AHCTF1: variants seen among roughly 807,000 people sequenced by gnomAD.
AHCTF1 encodes AT-hook containing transcription factor 1, also known as protein ELYS.
In AHCTF1, 24 loss-of-function variants were observed where a neutral mutation model predicts 248.4. That is an observed-to-expected ratio of 0.10 (90% confidence interval 0.07 to 0.14). The LOEUF (loss-of-function observed/expected upper bound fraction) is 0.14, where lower values mean the gene tolerates loss of function less well. Ranked by LOEUF, AHCTF1 falls within the 10% of genes least tolerant of loss-of-function variation. The probability of loss-of-function intolerance (pLI) is 1.00; values close to 1 mark genes in which losing one functional copy is unlikely to be tolerated. For synonymous variants in AHCTF1, 786 were observed against 929.8 expected (o/e 0.85, Z 2.81); for missense variants, 2,206 against 2,636.2 (o/e 0.84, Z 3.57).
At chr1:246,894,902 C>A (rs942703281) in intron 13 of AHCTF1, among the ~76,000 whole-genome samples, 154 bp from the exon 14 acceptor site, 1 of 152,008 alleles carries the variant, frequency 6.6e-6, no homozygotes, top group Non-Finnish European at 1.5e-5. Flanking sequence ...TCTCAGTGCA[C>A]CACACCACGG....
chr1:246,849,990 T>G lies in AHCTF1; in HGVS notation c.6016A>C (p.Arg2006=). Residue 2006 remains arginine, a synonymous_variant, in exon 33 of 36, where the codon AGA becomes CGA. Coordinates refer to ENST00000648844, the MANE Select transcript of AHCTF1 (RefSeq NM_001323342.2). ...SPKKKEAPSI[R]RRSTRNTPAK... ...GGGGTATTTCTTGTAGATCTCCTTCTAATGCTGGGAGCTTCTTTCTTCTTG... is the reference window on the plus strand; with the variant it reads ...GGGGTATTTCTTGTAGATCTCCTTCGAATGCTGGGAGCTTCTTTCTTCTTG... The G allele has an allele frequency of 6.2e-7, 1 of 1,613,808 alleles. No individual in the cohort carries two copies. Among genetic ancestry groups the G allele is most frequent in the Non-Finnish European group, 8.5e-7 (1 of 1,179,838 alleles).
intron 29 of AHCTF1, among the ~76,000 whole-genome samples, chr1:246,860,526 T>C (rs1157719476): frequency 6.6e-6 from 1 of 152,192 alleles, no homozygotes; most frequent in East Asian, 1.9e-4. Context: ...TAGGAACTAG[T>C]ATACTGTGAG....
At chr1:246,844,271 A>G (rs1182999978) in intron 33 of AHCTF1, among the ~76,000 whole-genome samples, 1 of 152,166 alleles carries the variant, frequency 6.6e-6, no homozygotes, top group Non-Finnish European at 1.5e-5. Context: ...CATTAATCCT[A>G]TATGTAACCT....
chr1:246,845,915 A>G (rs914656339), intron 33 of AHCTF1, among the ~76,000 whole-genome samples: 3 of 151,974 alleles, frequency 2.0e-5, no homozygotes, highest in Non-Finnish European at 4.4e-5. Context: ...ATATTTAACA[A>G]TTGGCTCTTA....
chr1:246,858,170 A>AG (rs1553287687), intron 29 of AHCTF1, among the ~76,000 whole-genome samples: 1 of 151,884 alleles, frequency 6.6e-6, no homozygotes, highest in African/African-American at 2.4e-5. Flanking sequence ...TGTTTTAGCC[A>AG]GGATGGTCTC....
At chr1:246,907,906 T>A (rs1451181636) in intron 4 of AHCTF1, 148 bp from the exon 5 acceptor site, 3 of 668,640 alleles carry the variant, frequency 4.5e-6, no homozygotes, top group Non-Finnish European at 7.4e-6. Flanking sequence ...CAAAAAAGTA[T>A]GTTAAACTAG....
rs1341518439 is a variant in AHCTF1 at position 246,908,015 on chromosome 1, AAGAT to A, written c.557-261_557-258del. On this transcript the variant is annotated intron_variant, in intron 4 of 35. Transcript: ENST00000648844. The stretch of plus-strand genomic sequence containing the variant: ...TCTCAGTACATCTCAAATATTATCT[AAGAT>A]AGAATTTTTTTAGGGTTAACAACCA... 3.9e-5 allele frequency among the ~76,000 whole-genome samples: 6 copies of A among 152,344 alleles called. No homozygotes were observed. The East Asian group carries it at 9.6e-4, about 24-fold the overall frequency.
chr1:246,924,635 AC>A (rs1025446193), intron 1 of AHCTF1, among the ~76,000 whole-genome samples: 14 of 152,098 alleles, frequency 9.2e-5, no homozygotes, highest in African/African-American at 3.4e-4. Flanking sequence ...TGTGAAAAAA[AC>A]ATTTCAAAGA....
At chr1:246,842,071 G>C (rs1048922939) in intron 35 of AHCTF1, among the ~76,000 whole-genome samples, 1 of 151,770 alleles carries the variant, frequency 6.6e-6, no homozygotes, top group Non-Finnish European at 1.5e-5. Flanking sequence ...CGGATTACAG[G>C]CGTGAGCCAC....
At chr1:246,870,006 C>T (rs1316863326) in intron 24 of AHCTF1, among the ~76,000 whole-genome samples, 7 of 152,164 alleles carry the variant, frequency 4.6e-5, no homozygotes, top group African/African-American at 7.2e-5. Context: ...ATTCATAATT[C>T]CTGGGAGGAG....
At chr1:246,842,649 T>A in intron 35 of AHCTF1, 45 bp downstream of exon 35, 1 of 1,517,828 alleles carries the variant, frequency 6.6e-7, no homozygotes, top group Non-Finnish European at 9.1e-7. Flanking sequence ...AGAGCGAGAC[T>A]GTCTCAATCA....
At chr1:246,929,568 GGATT>G in intron 1 of AHCTF1, among the ~76,000 whole-genome samples, 1 of 152,288 alleles carries the variant, frequency 6.6e-6, no homozygotes, top group South Asian at 2.1e-4. Flanking sequence ...AATGAGTCCA[GGATT>G]GATGACGATT....
chr1:246,875,981 C>T (rs1465893201), intron 24 of AHCTF1, 56 bp downstream of exon 24: 7 of 1,447,784 alleles, frequency 4.8e-6, no homozygotes, highest in African/African-American at 1.4e-5. Flanking sequence ...GAAAAGTAAT[C>T]ATTCAGTATC....
intron 24 of AHCTF1, among the ~76,000 whole-genome samples, chr1:246,869,066 G>C (rs148954903): frequency 0.044 from 6,636 of 150,964 alleles, 388 homozygotes; most frequent in African/African-American, 0.13. Flanking sequence ...GGATGGTCTC[G>C]ATCTCCTGAC....
intron 24 of AHCTF1, among the ~76,000 whole-genome samples, chr1:246,869,007 G>C (rs1662308314): frequency 6.6e-6 from 1 of 151,374 alleles, no homozygotes; most frequent in Non-Finnish European, 1.5e-5. Context: ...ACCATGCCTG[G>C]CTAACTTTTT....
rs1002448064 is a variant in AHCTF1 at position 246,867,899 on chromosome 1, C to CACACACACA, written c.3089-89_3089-88insTGTGTGTGT. On this transcript the variant is annotated intron_variant, in intron 24 of 35. Coordinates refer to ENST00000648844, the MANE Select transcript of AHCTF1 (RefSeq NM_001323342.2). ...TATGAAAGAATGATTACACCCCCCC[C>CACACACACA]CCCACACACACACACACACACATTA... 7.2e-6 allele frequency: 4 copies of CACACACACA among 557,362 alleles called. 1 individual carries two copies. The African/African-American group carries it at 1.9e-4, about 27-fold the overall frequency. 34.5% of individuals were successfully genotyped at this position (557,362 alleles called of 1,614,324 possible). A position where few individuals can be genotyped will look rare whatever the true frequency, so the allele number is the denominator to read the frequency against.
Position 246,849,705 on chromosome 1 carries a change from A to G in AHCTF1, c.6301T>C (p.Ser2101Pro). The G allele has an allele frequency of 1.2e-6, 2 of 1,613,980 alleles. No individual in the cohort carries two copies. The highest frequency in any genetic ancestry group is 1.7e-6 in the Non-Finnish European group (2 of 1,179,858). ...TCCGGCAACAAGATGGCCTTGCTAGACCGAGTCCTGCTGCTGCGGGATGAT... is the reference window on the plus strand; with the variant it reads ...TCCGGCAACAAGATGGCCTTGCTAGGCCGAGTCCTGCTGCTGCGGGATGAT... ...TKSSRSSRTR[S>P]SKAILLPDLS... Residue 2101 changes from serine to proline, a missense_variant, in exon 33 of 36, where the codon TCT becomes CCT. Coordinates refer to ENST00000648844, the MANE Select transcript of AHCTF1 (RefSeq NM_001323342.2).
intron 29 of AHCTF1, among the ~76,000 whole-genome samples, chr1:246,860,672 T>C (rs1558221737): frequency 6.6e-6 from 1 of 152,138 alleles, no homozygotes; most frequent in Non-Finnish European, 1.5e-5. Flanking sequence ...TGGCTAATTT[T>C]TAAATTTCTA....
At chr1:246,892,480 C>A (rs1664280367) in intron 14 of AHCTF1, among the ~76,000 whole-genome samples, 2 of 151,696 alleles carry the variant, frequency 1.3e-5, no homozygotes, top group Non-Finnish European at 1.5e-5. Flanking sequence ...GCCACAACAC[C>A]CAGCTAATTT....
Sources: gnomAD v4.1 joint callset for allele counts (sites outside exome capture counted in the v4.1 genomes callset) on GRCh38, gnomAD v4.1.1 for gene constraint, MANE v1.5 for transcripts, NCBI Gene and HGNC (gene_info 2026-07-23, HGNC 2026-07-21) for gene names.